Variants in EFCAB8 observed in about 807,000 individuals in gnomAD.
EFCAB8 encodes EF-hand calcium binding domain 8.
A neutral mutation model predicts 116.3 loss-of-function variants in EFCAB8; 100 were observed. The observed-to-expected ratio is 0.86, with a 90% confidence interval of 0.73 to 1.02. The LOEUF (loss-of-function observed/expected upper bound fraction) is 1.02. Among genes scored for constraint, EFCAB8 ranks in the 50% least tolerant of loss-of-function variants. EFCAB8 has a pLI of 0.00. For synonymous variants in EFCAB8, 558 were observed against 567.9 expected (o/e 0.98, Z 0.25); for missense variants, 1,320 against 1,416.9 (o/e 0.93, Z 1.10).
intron 4 of EFCAB8, among the ~76,000 whole-genome samples, chr20:32,877,390 G>T (rs544408432): frequency 6.6e-6 from 1 of 151,768 alleles, no homozygotes; most frequent in Non-Finnish European, 1.5e-5. Flanking sequence ...TGTATTTTTA[G>T]TAGAAACGGG....
At chr20:32,913,819 A>T (rs1987055858) in intron 17 of EFCAB8, among the ~76,000 whole-genome samples, 1 of 152,340 alleles carries the variant, frequency 6.6e-6, no homozygotes, top group African/African-American at 2.4e-5. Flanking sequence ...TCAAAAATCC[A>T]TCAGGGCAAA....
intron 3 of EFCAB8, among the ~76,000 whole-genome samples, chr20:32,873,477 A>C (rs138476599): frequency 1.4e-4 from 21 of 152,090 alleles, no homozygotes; most frequent in Non-Finnish European, 8.8e-5. Context: ...CCCAGCCAGC[A>C]CGTGGAGAAT....
At chr20:32,931,584 C>T (rs1183889516) in intron 22 of EFCAB8, among the ~76,000 whole-genome samples, 3 of 152,086 alleles carry the variant, frequency 2.0e-5, no homozygotes, top group Non-Finnish European at 2.9e-5. Flanking sequence ...TGGTGAAACC[C>T]TGTCTCTACT....
chr20:32,886,623 G>T (rs1985645636), intron 6 of EFCAB8, among the ~76,000 whole-genome samples: 1 of 152,130 alleles, frequency 6.6e-6, no homozygotes, highest in South Asian at 2.1e-4. Context: ...CCATCCTGAG[G>T]CTGTGGCTTC....
chr20:32,903,627 G>A (rs999458342), intron 11 of EFCAB8: 1 of 152,224 alleles, frequency 6.6e-6, no homozygotes, highest in Admixed American at 6.5e-5. Context: ...TACGTGTGGA[G>A]GGAGGAATAT....
In EFCAB8 at chr20:32,941,423, A is replaced by G. The variant is rs189521809; in HGVS notation, c.2791-2213A>G. 3.1e-4 allele frequency among the ~76,000 whole-genome samples: 47 copies of G among 150,086 alleles called. 4 individuals are homozygous for G. The highest frequency in any genetic ancestry group is 1.1e-3 in the African/African-American group (45 of 40,516). Reference sequence around the variant, plus strand: ...CATATGTTCACATAAAATCTTGTACATGAATGTTTATAGTAGCATTATTTA... The same window carrying G: ...CATATGTTCACATAAAATCTTGTACGTGAATGTTTATAGTAGCATTATTTA... On this transcript the variant is annotated intron_variant, in intron 22 of 26. Transcript: ENST00000400522.
Position 32,917,505 on chromosome 20 carries a change from G to T in EFCAB8, c.2061G>T (p.Arg687Ser), listed in dbSNP as rs749932540. The T allele has an allele frequency of 7.8e-6, 12 of 1,539,298 alleles. No homozygotes were observed. In the Admixed American group the frequency reaches 7.9e-5, roughly 10 times the overall value. The change falls in exon 18 of 27, where the codon AGG (arginine) becomes AGT (serine). Residue 687 changes from arginine to serine, a missense_variant and splice_region_variant. Physicochemically the swap from Arg to Ser is moderately radical, Grantham distance 110. Transcript: ENST00000400522. Reference sequence around the variant, plus strand: ...GCCCCTCGCCCTTGCAGCCCAAGAGGGTATGTTAACAGGAGCACACTCTCC... The same window carrying T: ...GCCCCTCGCCCTTGCAGCCCAAGAGTGTATGTTAACAGGAGCACACTCTCC... ...SRSPSPLQPK[R>S]VQDVNNCLAE... is the part of the protein sequence containing the mutation.
At chr20:32,926,349 G>A (rs1326381417) in intron 20 of EFCAB8, among the ~76,000 whole-genome samples, 1 of 151,648 alleles carries the variant, frequency 6.6e-6, no homozygotes, top group Non-Finnish European at 1.5e-5. Flanking sequence ...TGAAAGTTGT[G>A]TGCACGTTAA....
Position 32,872,881 on chromosome 20 carries a change from C to T in EFCAB8, c.209-3045C>T, listed in dbSNP as rs541085226. On this transcript the variant is annotated intron_variant, in intron 3 of 26. Coordinates refer to ENST00000400522, the MANE Select transcript of EFCAB8 (RefSeq NM_001143967.2). ...CCGAGGTGGGCGGATCGCCTGTGGT[C>T]AGGAGTTCGAGACCAGCCTGGCCAA... Among the ~76,000 whole-genome samples the T allele has an allele frequency of 4.6e-5, 7 of 151,726 alleles. No individual in the cohort carries two copies. In the South Asian group the frequency reaches 1.5e-3, roughly 32 times the overall value.
rs151029160 is a variant in EFCAB8, at chr20:32,883,752, G to A, written c.432-1753G>A. Among the ~76,000 whole-genome samples the A allele has an allele frequency of 4.8e-3, 730 of 151,936 alleles. 7 individuals carry two copies. The highest frequency in any genetic ancestry group is 0.017 in the African/African-American group (703 of 41,436). The stretch of plus-strand genomic sequence containing the variant: ...GTCACCCAGGCTGGAGTGCAGTGGC[G>A]CAATCTTGGCTCAGTGCAACCTCTG... On this transcript the variant is annotated intron_variant, in intron 5 of 26. Coordinates refer to ENST00000400522, the MANE Select transcript of EFCAB8 (RefSeq NM_001143967.2).
chr20:32,958,731 T>C (rs1318052803), intron 24 of EFCAB8, among the ~76,000 whole-genome samples, 181 bp downstream of exon 24: 1 of 152,162 alleles, frequency 6.6e-6, no homozygotes, highest in Non-Finnish European at 1.5e-5. Context: ...CAGCTATGGC[T>C]GGAGAGCCCA....
chr20:32,912,238 A>G (rs1445770580), intron 16 of EFCAB8, among the ~76,000 whole-genome samples: 1 of 151,974 alleles, frequency 6.6e-6, no homozygotes, highest in Non-Finnish European at 1.5e-5. Context: ...GGAGTTCGAG[A>G]CCAGCCTGGC....
intron 22 of EFCAB8, among the ~76,000 whole-genome samples, chr20:32,937,254 A>T (rs760949396): frequency 4.6e-5 from 7 of 152,168 alleles, no homozygotes; most frequent in Non-Finnish European, 7.4e-5. Flanking sequence ...TGCTGGTATT[A>T]GAAGCATGAG....
At chr20:32,909,994 A>G (rs955749078) in intron 15 of EFCAB8, 63 bp downstream of exon 15, 75 of 853,150 alleles carry the variant, frequency 8.8e-5, no homozygotes, top group Admixed American at 3.0e-4. Context: ...GGGCAGAACC[A>G]GACCTCCCTG....
rs1986926586 is a variant in EFCAB8, at chr20:32,911,620, C to T, written c.1698C>T (p.Leu566=). The T allele has an allele frequency of 1.3e-6, 2 of 1,551,570 alleles. No individual in the cohort carries two copies. Among genetic ancestry groups the T allele is most frequent in the African/African-American group, 1.4e-5 (1 of 73,046 alleles). Residue 566 remains leucine, a synonymous_variant, in exon 16 of 27, where the codon CTC becomes CTT. Transcript: ENST00000400522. ...MALDESERCL[L]TGLRDGTMKM... ...TGGATGAGTCAGAGCGGTGCCTGCTCACAGGTTTGCGGGATGGCACAATGA... is the reference window on the plus strand; with the variant it reads ...TGGATGAGTCAGAGCGGTGCCTGCTTACAGGTTTGCGGGATGGCACAATGA...
intron 11 of EFCAB8, among the ~76,000 whole-genome samples, chr20:32,904,488 G>A (rs1322193567): frequency 6.7e-6 from 1 of 149,740 alleles, no homozygotes; most frequent in East Asian, 2.0e-4. Flanking sequence ...TTGTACAGAT[G>A]GGATCTTGCT....
chr20:32,945,157 T>C (rs1001926183), intron 23 of EFCAB8, among the ~76,000 whole-genome samples: 1 of 151,910 alleles, frequency 6.6e-6, no homozygotes, highest in East Asian at 1.9e-4. Flanking sequence ...TTATTTTTAT[T>C]ATTATTATTA....
intron 9 of EFCAB8, among the ~76,000 whole-genome samples, chr20:32,894,783 T>G (rs899808009): frequency 6.6e-6 from 1 of 152,224 alleles, no homozygotes; most frequent in African/African-American, 2.4e-5. Context: ...ACAGTGACTA[T>G]GCTATGACTT....
At chr20:32,898,820 A>G (rs1986290057) in intron 11 of EFCAB8, among the ~76,000 whole-genome samples, 197 bp downstream of exon 11, 1 of 152,214 alleles carries the variant, frequency 6.6e-6, no homozygotes, top group Non-Finnish European at 1.5e-5. Context: ...AAAACTCAGC[A>G]TAGAAGCCAG....
Sources: allele counts gnomAD v4.1 joint callset (sites outside exome capture counted in the v4.1 genomes callset), GRCh38; gene constraint gnomAD v4.1.1; transcripts MANE v1.5; gene names NCBI Gene and HGNC (gene_info 2026-07-23, HGNC 2026-07-21).